TRIP12: variants seen among roughly 807,000 people sequenced by gnomAD.
The protein encoded by TRIP12 is thyroid hormone receptor interactor 12, also known as E3 ubiquitin-protein ligase TRIP12.
A neutral mutation model predicts 244.2 loss-of-function variants in TRIP12; 25 were observed. The observed-to-expected ratio is 0.10, with a 90% CI of 0.07 to 0.14. The LOEUF (loss-of-function observed/expected upper bound fraction) is 0.14, where lower values mean the gene tolerates loss of function less well. Among genes scored for constraint, TRIP12 ranks in the 10% least tolerant of loss-of-function variants. The pLI, the probability that TRIP12 is intolerant of heterozygous loss-of-function variation, is 1.00. For synonymous variants in TRIP12, 905 were observed against 873.1 expected (o/e 1.04, Z -0.64); for missense variants, 1,677 against 2,486.4 (o/e 0.67, Z 6.92).
At chr2:229,817,281 C>T (rs1444617042) in intron 9 of TRIP12, among the ~76,000 whole-genome samples, 1 of 152,118 alleles carries the variant, frequency 6.6e-6, no homozygotes, top group Non-Finnish European at 1.5e-5. Flanking sequence ...ACTGTAATTT[C>T]CAAAATAAAA....
chr2:229,840,989 A>G, intron 4 of TRIP12, 62 bp from the exon 5 acceptor site: 1 of 1,249,824 alleles, frequency 8.0e-7, no homozygotes, highest in Non-Finnish European at 1.1e-6. Context: ...ATTAAAAATT[A>G]TAAAATTCTT....
chr2:229,800,340 G>A (rs1013384152), intron 21 of TRIP12, among the ~76,000 whole-genome samples: 1 of 151,930 alleles, frequency 6.6e-6, no homozygotes. Flanking sequence ...CTGTTCTAAC[G>A]ACAGTAGAAA....
At position 229,877,455 on chromosome 2, in the gene TRIP12, C is replaced by T. The variant is rs113380987; in HGVS notation, c.98+2527G>A. On this transcript the variant is annotated intron_variant, in intron 2 of 41. Coordinates refer to ENST00000675903, the MANE Select transcript of TRIP12 (RefSeq NM_001348323.3). ...GGCTGAGGCAGGAGAATCACTTGAA[C>T]CCAGAGGGCAGAGGCTGCAGTGAGC... Among the ~76,000 whole-genome samples the T allele has an allele frequency of 5.3e-3, 804 of 152,260 alleles. 9 individuals carry two copies. Among genetic ancestry groups the T allele is most frequent in the African/African-American group, 0.019 (778 of 41,552 alleles).
intron 22 of TRIP12, 108 bp from the exon 23 acceptor site, chr2:229,799,157 A>G: frequency 6.5e-7 from 1 of 1,528,660 alleles, no homozygotes; most frequent in Non-Finnish European, 9.0e-7. Context: ...TGAAAGAACT[A>G]AGAACACTTA....
intron 4 of TRIP12, among the ~76,000 whole-genome samples, chr2:229,857,310 T>C (rs981719764): frequency 6.6e-6 from 1 of 152,138 alleles, no homozygotes; most frequent in Non-Finnish European, 1.5e-5. Flanking sequence ...TATTATCCTA[T>C]TTGTCCTTTA....
chr2:229,874,370 A>G (rs1235454954), intron 2 of TRIP12, among the ~76,000 whole-genome samples: 1 of 152,212 alleles, frequency 6.6e-6, no homozygotes, highest in Non-Finnish European at 1.5e-5. Flanking sequence ...TCTGAAAGAC[A>G]AAAGTCTTCA....
chr2:229,764,282 G>A lies in TRIP12; in HGVS notation c.*3272C>T, dbSNP rs908021498. The A allele has an allele frequency of 1.3e-5, 2 of 152,112 alleles. No homozygotes were observed. The highest frequency in any genetic ancestry group is 4.8e-5 in the African/African-American group (2 of 41,410). 9.4% of individuals were successfully genotyped at this position (152,112 alleles called of 1,614,324 possible). A position where few individuals can be genotyped will look rare whatever the true frequency, so the allele number is the denominator to read the frequency against. On this transcript the variant is annotated 3_prime_UTR_variant, in exon 42 of 42. Transcript: ENST00000675903. ...TACCGTGTATGTCAACTACTGCAAT[G>A]TCAAACCTAAGACTTATACAAAAGC...
chr2:229,804,838 G>A (rs1404287052), intron 18 of TRIP12, among the ~76,000 whole-genome samples: 3 of 152,136 alleles, frequency 2.0e-5, no homozygotes, highest in Admixed American at 2.0e-4. Flanking sequence ...GGCAATGGTG[G>A]TGAGTATAGA....
intron 38 of TRIP12, among the ~76,000 whole-genome samples, chr2:229,772,257 T>C (rs1412695844): frequency 1.3e-5 from 2 of 152,182 alleles, no homozygotes; most frequent in African/African-American, 2.4e-5. Flanking sequence ...ATGAAAACAT[T>C]AGGATTTTCT....
chr2:229,874,881 T>C (rs2063315132), intron 2 of TRIP12, among the ~76,000 whole-genome samples: 1 of 152,208 alleles, frequency 6.6e-6, no homozygotes, highest in Non-Finnish European at 1.5e-5. Context: ...TTAAAGTTGC[T>C]ATAAAATTAA....
chr2:229,798,893 T>C lies in TRIP12; in HGVS notation c.3464A>G (p.Asp1155Gly). ...ACTTCACCTATTATTGGAGATGGTA[T>C]CCTTTGAGGCAGCCCTGGCAAGGCC... ...GSGLARAASK[D>G]TISNNREKIK... The change falls in exon 23 of 42, where the codon GAT (aspartate) becomes GGT (glycine). Residue 1155 changes from aspartate to glycine, a missense_variant. This residue lies in a region of TRIP12 where 572 missense variants were observed against 867.8 expected (regional missense o/e 0.66). Transcript: ENST00000675903. The C allele has an allele frequency of 6.2e-7, 1 of 1,613,930 alleles. No homozygotes were observed. The highest frequency in any genetic ancestry group is 8.5e-7 in the Non-Finnish European group (1 of 1,179,978).
intron 1 of TRIP12, among the ~76,000 whole-genome samples, chr2:229,885,328 C>CA (rs1560120142): frequency 1.3e-5 from 2 of 152,152 alleles, no homozygotes; most frequent in Non-Finnish European, 2.9e-5. Flanking sequence ...GTAATAAACA[C>CA]AATTTGCAAG....
intron 4 of TRIP12, 112 bp from the exon 5 acceptor site, chr2:229,841,039 A>G: frequency 1.3e-6 from 1 of 770,528 alleles, no homozygotes; most frequent in South Asian, 1.8e-5. Flanking sequence ...TATTTTTATA[A>G]CCTCTCCAGC....
At chr2:229,801,793 T>G (rs958971476) in intron 21 of TRIP12, among the ~76,000 whole-genome samples, 3 of 152,204 alleles carry the variant, frequency 2.0e-5, no homozygotes, top group African/African-American at 7.2e-5. Context: ...CAATTAAAGA[T>G]AAATGGGGAA....
chr2:229,850,915 C>G (rs915899717), intron 4 of TRIP12, among the ~76,000 whole-genome samples: 5 of 152,376 alleles, frequency 3.3e-5, no homozygotes, highest in African/African-American at 7.2e-5. Flanking sequence ...ACCACCGGCG[C>G]TGCACTCGAT....
chr2:229,890,904 C>G (rs1378909588), intron 1 of TRIP12, among the ~76,000 whole-genome samples: 1 of 152,150 alleles, frequency 6.6e-6, no homozygotes, highest in Non-Finnish European at 1.5e-5. Flanking sequence ...AAATTCAGAG[C>G]TGTATTTCCC....
chr2:229,878,888 A>G lies in TRIP12; in HGVS notation c.98+1094T>C, dbSNP rs1207436587. Among the ~76,000 whole-genome samples the G allele has an allele frequency of 4.6e-5, 7 of 152,012 alleles. No individual in the cohort carries two copies. In the East Asian group the frequency reaches 1.4e-3, roughly 30 times the overall value. ...TGAGCCACCGCGCCCGGCCTAAAAAATTTTTAAATACTTTACTAGATAATA... is the reference window on the plus strand; with the variant it reads ...TGAGCCACCGCGCCCGGCCTAAAAAGTTTTTAAATACTTTACTAGATAATA... On this transcript the variant is annotated intron_variant, in intron 2 of 41. Transcript: ENST00000675903.
intron 37 of TRIP12, among the ~76,000 whole-genome samples, chr2:229,775,656 C>T (rs76399816): frequency 0.022 from 3,316 of 150,560 alleles, 124 homozygotes; most frequent in African/African-American, 0.077. Context: ...TATATTAAGT[C>T]GAGAAACTAA....
At chr2:229,795,744 T>G (rs2042646378) in intron 25 of TRIP12, among the ~76,000 whole-genome samples, 1 of 152,240 alleles carries the variant, frequency 6.6e-6, no homozygotes, top group African/African-American at 2.4e-5. Context: ...TGTAGGACCT[T>G]TGAAACCGAC....
Sources: allele counts gnomAD v4.1 joint callset (sites outside exome capture counted in the v4.1 genomes callset), GRCh38; gene constraint gnomAD v4.1.1; regional missense constraint gnomAD v4.1.1; transcripts MANE v1.5; gene names NCBI Gene and HGNC (gene_info 2026-07-23, HGNC 2026-07-21).